The following C3orf52 variants were observed in gnomAD, a reference collection of about 807,000 sequenced individuals.
The protein encoded by C3orf52 is chromosome 3 open reading frame 52, also known as TPA-induced transmembrane protein.
A neutral mutation model predicts 24.8 loss-of-function variants in C3orf52; 22 were observed. That is an observed-to-expected ratio of 0.89 (90% CI 0.63 to 1.27). The LOEUF is 1.27. Among genes scored for constraint, C3orf52 ranks in the 50% most tolerant of loss-of-function variants. C3orf52 has a pLI of 0.00. For synonymous variants in C3orf52, 93 were observed against 100.2 expected, an observed-to-expected ratio of 0.93 and a Z score of 0.43; for missense variants, 265 against 260.7, an observed-to-expected ratio of 1.02 and a Z score of -0.11.
At chr3:112,103,033 G>A in intron 3 of C3orf52, 68 bp downstream of exon 3, 1 of 1,477,492 alleles carries the variant, frequency 6.8e-7, no homozygotes, top group Non-Finnish European at 9.3e-7. Context: ...TAGAATAATT[G>A]GCATAGAGCT....
chr3:112,130,324 T>G (rs971320289), downstream of C3orf52: 16 of 787,564 alleles, frequency 2.0e-5, no homozygotes, highest in South Asian at 2.1e-4. Flanking sequence ...CATTTGTTAC[T>G]ATTGCAACTG....
At chr3:112,135,589 G>A (rs1418885733), downstream of C3orf52, among the ~76,000 whole-genome samples, 3 of 151,270 alleles carry the variant, frequency 2.0e-5, no homozygotes, top group Non-Finnish European at 4.4e-5. Flanking sequence ...TATTATAAAA[G>A]ATAAGCCATT....
chr3:112,133,160 C>T, downstream of C3orf52: 1 of 1,611,590 alleles, frequency 6.2e-7, no homozygotes. Context: ...GTCCCTTTAC[C>T]ACTTCCTTCT....
chr3:112,132,540 G>C (rs1417875106), downstream of C3orf52: 1 of 449,004 alleles, frequency 2.2e-6, no homozygotes, highest in Non-Finnish European at 2.9e-6. Context: ...CTCTAAGGTA[G>C]ATATTGTATT....
At chr3:112,128,290 A>G in exon 5 of C3orf52, 2 of 672,848 alleles carry the variant, frequency 3.0e-6, no homozygotes, top group Non-Finnish European at 5.4e-6. Context: ...CTGTGTTCCC[A>G]GCAAAGGAAA....
At chr3:112,132,541 A>T, downstream of C3orf52, 1 of 449,964 alleles carries the variant, frequency 2.2e-6, no homozygotes, top group African/African-American at 2.1e-5. Context: ...TCTAAGGTAG[A>T]TATTGTATTA....
chr3:112,127,900 A>G lies in C3orf52; in HGVS notation c.*47-333A>G, dbSNP rs1192234985. On this transcript the variant is annotated intron_variant, in intron 4 of 4. Transcript: ENST00000480282. ...CCCTGATTAACTCTTAGGTGATTGT[A>G]TCTGGGCTACTGACAGGCTTCCACT... 7 of 779,748 alleles carry G rather than the reference A, an allele frequency of 9.0e-6. No homozygotes were observed. In the African/African-American group the frequency reaches 1.0e-4, roughly 11 times the overall value. The allele number at this position is 779,748 out of a possible 1,614,324, so 48.3% of individuals were successfully genotyped here.
At chr3:112,122,750 A>T (rs1576157035), downstream of C3orf52, 1 of 152,210 alleles carries the variant, frequency 6.6e-6, no homozygotes, top group African/African-American at 2.4e-5. Flanking sequence ...AAAGAAGGGT[A>T]GTGGGATTAC....
intron 4 of C3orf52, among the ~76,000 whole-genome samples, chr3:112,111,190 CAGAG>C (rs1234739496): frequency 7.2e-5 from 11 of 152,224 alleles, no homozygotes; most frequent in Admixed American, 5.2e-4. Context: ...GCCTGTGACA[CAGAG>C]AGACTCAAAC....
chr3:112,098,319 T>C (rs992759231), intron 2 of C3orf52, among the ~76,000 whole-genome samples: 1 of 152,250 alleles, frequency 6.6e-6, no homozygotes, highest in African/African-American at 2.4e-5. Context: ...TCTATAGAAC[T>C]CCTGGACTTT....
At position 112,086,449 on chromosome 3, in the gene C3orf52, G is replaced by A; in HGVS notation, c.42G>A (p.Glu14=). The change falls in exon 1 of 6, where the codon GAG becomes GAA. Residue 14 remains glutamate, a synonymous_variant. Coordinates refer to ENST00000264848, the MANE Select transcript of C3orf52 (RefSeq NM_024616.3). Reference sequence around the variant, plus strand: ...CCTCACAGCCAGTAGACGAGCTGGAGCTCTCGGTGCTCGAGCGGCAGCCAG... The same window carrying A: ...CCTCACAGCCAGTAGACGAGCTGGAACTCTCGGTGCTCGAGCGGCAGCCAG... ...AQPSQPVDEL[E]LSVLERQPEE... 1 of 1,551,412 alleles carries A rather than the reference G, an allele frequency of 6.4e-7. No individual in the cohort carries two copies. The highest frequency in any genetic ancestry group is 8.7e-7 in the Non-Finnish European group (1 of 1,146,806).
At chr3:112,130,614 G>A (rs1201107334), downstream of C3orf52, 1 of 1,035,616 alleles carries the variant, frequency 9.7e-7, no homozygotes, top group East Asian at 2.4e-5. Flanking sequence ...CTATTTGTGT[G>A]TAACTCAGAA....
intron 2 of C3orf52, among the ~76,000 whole-genome samples, chr3:112,100,865 A>G (rs886571418): frequency 6.6e-6 from 1 of 152,220 alleles, no homozygotes; most frequent in Non-Finnish European, 1.5e-5. Context: ...CAACAGAACA[A>G]TCAGGATAAG....
intron 4 of C3orf52, among the ~76,000 whole-genome samples, chr3:112,110,534 A>C (rs1419079781): frequency 6.6e-6 from 1 of 152,140 alleles, no homozygotes; most frequent in Admixed American, 6.5e-5. Context: ...ACACACACAT[A>C]GGATATACAC....
downstream of C3orf52, chr3:112,122,973 A>G (rs1446165783): frequency 1.2e-5 from 2 of 173,450 alleles, no homozygotes; most frequent in African/African-American, 2.4e-5. Context: ...TGACTTAGAC[A>G]CATGGAGTGA....
At chr3:112,119,331 C>T (rs541067842), downstream of C3orf52, 167 of 636,386 alleles carry the variant, frequency 2.6e-4, 1 homozygote, top group African/African-American at 2.1e-3. Context: ...GCTGAGATCA[C>T]GCCATTGCAC....
intron 3 of C3orf52, among the ~76,000 whole-genome samples, chr3:112,107,511 C>T (rs968353375): frequency 6.6e-6 from 1 of 152,196 alleles, no homozygotes; most frequent in Admixed American, 6.5e-5. Flanking sequence ...TCACTTTAAG[C>T]TTCTTTCCTC....
At chr3:112,130,776 A>T (rs1312076292), downstream of C3orf52, 1 of 497,372 alleles carries the variant, frequency 2.0e-6, no homozygotes, top group Non-Finnish European at 3.7e-6. Flanking sequence ...ATCTGATCCC[A>T]AATATCCAGG....
intron 4 of C3orf52, among the ~76,000 whole-genome samples, chr3:112,127,446 G>A (rs1190597046): frequency 6.6e-6 from 1 of 151,942 alleles, no homozygotes; most frequent in Non-Finnish European, 1.5e-5. Flanking sequence ...CACACTCTTC[G>A]CATAAGGGAA....
Sources: allele counts gnomAD v4.1 joint callset (sites outside exome capture counted in the v4.1 genomes callset), GRCh38; gene constraint gnomAD v4.1.1; transcripts MANE v1.5; gene names NCBI Gene and HGNC (gene_info 2026-07-23, HGNC 2026-07-21).